NT5DC1: variants seen among roughly 807,000 people sequenced by gnomAD.
NT5DC1 encodes the protein 5'-nucleotidase domain containing 1.
Under a neutral mutation model 59.4 loss-of-function variants are expected in NT5DC1, and 42 were observed. The ratio of observed to expected loss-of-function variants is 0.71; its 90% CI spans 0.55 to 0.92. The LOEUF (loss-of-function observed/expected upper bound fraction) is 0.92. NT5DC1 is among the 40% of genes least tolerant of loss of function. The pLI is 0.00. For synonymous variants in NT5DC1, 172 were observed against 188.1 expected (o/e 0.91, Z 0.70); for missense variants, 501 against 537.1 (o/e 0.93, Z 0.66).
intron 1 of NT5DC1, among the ~76,000 whole-genome samples, chr6:116,102,281 G>T (rs1039068594): frequency 1.3e-5 from 2 of 152,154 alleles, no homozygotes; most frequent in East Asian, 3.8e-4. Flanking sequence ...GTGGCTGCCC[G>T]AATTTCTCGT....
At chr6:116,103,932 A>G (rs1417385780) in intron 1 of NT5DC1, among the ~76,000 whole-genome samples, 1 of 152,192 alleles carries the variant, frequency 6.6e-6, no homozygotes, top group East Asian at 1.9e-4. Flanking sequence ...AGTCACATTT[A>G]CCTAGGCATT....
chr6:116,186,259 C>T (rs1031038578), intron 6 of NT5DC1, among the ~76,000 whole-genome samples: 5 of 151,658 alleles, frequency 3.3e-5, no homozygotes, highest in African/African-American at 1.2e-4. Context: ...GATAGGTTTT[C>T]CTTTAAAAGT....
At chr6:116,131,770 C>T (rs1270339639) in intron 6 of NT5DC1, among the ~76,000 whole-genome samples, 3 of 152,038 alleles carry the variant, frequency 2.0e-5, no homozygotes, top group African/African-American at 7.2e-5. Context: ...ATTTCATCAC[C>T]CAGGTATTAA....
chr6:116,214,177 C>T (rs530956719), intron 6 of NT5DC1, among the ~76,000 whole-genome samples: 1 of 152,122 alleles, frequency 6.6e-6, no homozygotes, highest in African/African-American at 2.4e-5. Flanking sequence ...AAAGTGTGTG[C>T]TTTTTCTACT....
chr6:116,201,043 C>G (rs933911734), intron 6 of NT5DC1, among the ~76,000 whole-genome samples: 1 of 151,878 alleles, frequency 6.6e-6, no homozygotes, highest in African/African-American at 2.4e-5. Context: ...ACCAACTTGC[C>G]CAGTAGGAGT....
chr6:116,237,156 T>C (rs1299909228), intron 9 of NT5DC1, 72 bp downstream of exon 9: 1 of 812,196 alleles, frequency 1.2e-6, no homozygotes, highest in East Asian at 2.4e-5. Flanking sequence ...GCCAAATCTC[T>C]CCTCTTAATT....
chr6:116,239,241 A>C, intron 11 of NT5DC1, 118 bp downstream of exon 11: 1 of 791,058 alleles, frequency 1.3e-6, no homozygotes, highest in Non-Finnish European at 2.0e-6. Context: ...CTTTGGGGAA[A>C]AATCTTCTAG....
At chr6:116,183,218 G>A (rs1368594862) in intron 6 of NT5DC1, among the ~76,000 whole-genome samples, 1 of 152,040 alleles carries the variant, frequency 6.6e-6, no homozygotes, top group Non-Finnish European at 1.5e-5. Flanking sequence ...TCTCTATTCT[G>A]TTCCATTGGT....
At chr6:116,218,501 A>G (rs1022900482) in intron 6 of NT5DC1, among the ~76,000 whole-genome samples, 6 of 152,180 alleles carry the variant, frequency 3.9e-5, no homozygotes, top group Non-Finnish European at 7.4e-5. Flanking sequence ...TACGAGAGAG[A>G]CACAGCCTCT....
intron 6 of NT5DC1, among the ~76,000 whole-genome samples, chr6:116,141,989 T>G (rs1779778214): frequency 6.6e-6 from 1 of 151,804 alleles, no homozygotes; most frequent in Non-Finnish European, 1.5e-5. Context: ...AGGAAAATTT[T>G]GACAAAGTTA....
chr6:116,117,810 T>A, intron 5 of NT5DC1, 51 bp from the exon 6 acceptor site: 1 of 1,047,976 alleles, frequency 9.5e-7, no homozygotes, highest in Non-Finnish European at 1.5e-6. Context: ...TTTTTCACTA[T>A]GCTTAAAAAC....
intron 6 of NT5DC1, chr6:116,121,718 C>T: frequency 6.2e-7 from 1 of 1,614,066 alleles, no homozygotes; most frequent in Non-Finnish European, 8.5e-7. Flanking sequence ...TCCTGGTAGG[C>T]CAGCTGGTCC....
At chr6:116,181,048 C>T (rs138488602) in intron 6 of NT5DC1, among the ~76,000 whole-genome samples, 1 of 151,396 alleles carries the variant, frequency 6.6e-6, no homozygotes, top group Admixed American at 6.6e-5. Context: ...GGGATGAAAT[C>T]ATATGGTATC....
chr6:116,241,931 AAAAAAAAC>A (rs1771734978), intron 11 of NT5DC1, among the ~76,000 whole-genome samples: 1 of 27,082 alleles, frequency 3.7e-5, no homozygotes, highest in African/African-American at 1.7e-4. Flanking sequence ...TCAAAAAAAA[AAAAAAAAC>A]AAAACAAAAA....
chr6:116,187,043 G>A (rs569670169), intron 6 of NT5DC1, among the ~76,000 whole-genome samples: 4 of 152,110 alleles, frequency 2.6e-5, no homozygotes, highest in East Asian at 3.9e-4. Context: ...AGATTCTTTT[G>A]TCCCACAGGG....
intron 6 of NT5DC1, among the ~76,000 whole-genome samples, chr6:116,191,655 CTG>C (rs1181573145): frequency 6.6e-6 from 1 of 151,992 alleles, no homozygotes; most frequent in Non-Finnish European, 1.5e-5. Flanking sequence ...TCTAAACTAA[CTG>C]TAAAGAAAAT....
chr6:116,127,261 T>C (rs1244361131), intron 6 of NT5DC1, among the ~76,000 whole-genome samples: 2 of 152,132 alleles, frequency 1.3e-5, no homozygotes, highest in African/African-American at 4.8e-5. Flanking sequence ...TCTTTTCCCT[T>C]TCTCTCCCCT....
In NT5DC1 at chr6:116,247,812, A is replaced by T. The variant is rs773466245; in HGVS notation, c.*3788A>T. On this transcript the variant is annotated 3_prime_UTR_variant, in exon 12 of 12. Coordinates refer to ENST00000319550, the MANE Select transcript of NT5DC1 (RefSeq NM_152729.3). ...CACCAAGTTTAATCACTTAAAAAAT[A>T]AATATTCTCTTAACAGAAATGTCAG... 5.3e-5 allele frequency: 7 copies of T among 132,866 alleles called. No individual in the cohort carries two copies. The highest frequency in any genetic ancestry group is 1.2e-4 in the Non-Finnish European group (7 of 58,688). 8.2% of individuals were successfully genotyped at this position (132,866 alleles called of 1,614,324 possible).
At chr6:116,124,371 T>C (rs967406223) in intron 6 of NT5DC1, among the ~76,000 whole-genome samples, 40 of 152,312 alleles carry the variant, frequency 2.6e-4, no homozygotes, top group African/African-American at 9.1e-4. Flanking sequence ...TCGTGTCAGT[T>C]GCTGTTAAAT....
Sources: allele counts gnomAD v4.1 joint callset (sites outside exome capture counted in the v4.1 genomes callset), GRCh38; gene constraint gnomAD v4.1.1; transcripts MANE v1.5; gene names NCBI Gene and HGNC (gene_info 2026-07-23, HGNC 2026-07-21).